The following TRIP4 variants were observed in gnomAD, a reference collection of about 807,000 sequenced individuals.
TRIP4 encodes thyroid hormone receptor interactor 4, also known as activating signal cointegrator 1.
In TRIP4, 54 loss-of-function variants were observed where a neutral mutation model predicts 81.8. That is an observed-to-expected ratio of 0.66 (90% CI 0.53 to 0.83). The LOEUF is 0.83. TRIP4 is among the 40% of genes least tolerant of loss of function. TRIP4 has a pLI of 0.00. For missense variants in TRIP4, 662 were observed against 683.6 expected (o/e 0.97, Z 0.35); for synonymous variants, 270 against 242.8 (o/e 1.11, Z -1.04).
chr15:64,389,331 T>C (rs1224662120), intron 1 of TRIP4, among the ~76,000 whole-genome samples: 2 of 152,166 alleles, frequency 1.3e-5, no homozygotes, highest in Non-Finnish European at 2.9e-5. Context: ...AAGTAGGTTA[T>C]TTTAATGGAT....
intron 10 of TRIP4, among the ~76,000 whole-genome samples, chr15:64,424,773 CTT>C (rs1382973433): frequency 6.6e-6 from 1 of 151,964 alleles, no homozygotes; most frequent in Non-Finnish European, 1.5e-5. Flanking sequence ...CTTAAAAGCA[CTT>C]TTCTTTTTTA....
chr15:64,408,249 ATTTTTTTTT>A (rs796182931), intron 6 of TRIP4, among the ~76,000 whole-genome samples: 1 of 42,476 alleles, frequency 2.4e-5, no homozygotes, highest in African/African-American at 6.2e-5. Flanking sequence ...AAGAAGACAA[ATTTTTTTTT>A]TTTTTTTTTT....
Position 64,406,356 on chromosome 15 carries a change from A to G in TRIP4, c.724A>G (p.Ile242Val), listed in dbSNP as rs1252567106. Residue 242 changes from isoleucine (I) to valine (V), a missense_variant, in exon 6 of 13, where the codon ATC becomes GTC. Ile to Val is a conservative substitution (Grantham distance 29, BLOSUM62 3). Transcript: ENST00000261884. ...AGTGGAGAATTCTGGAAAGGTGGAC[A>G]TCTCTACCAAGGACCTTCTTCCTCA... ...SGVENSGKVD[I>V]STKDLLPHQE... The G allele has an allele frequency of 1.9e-6, 3 of 1,614,138 alleles. No individual in the cohort carries two copies. The highest frequency in any genetic ancestry group is 1.3e-5 in the African/African-American group (1 of 75,068).
In TRIP4 at chr15:64,424,965, C is replaced by G. The variant is rs533577656; in HGVS notation, c.1484-575C>G. On this transcript the variant is annotated intron_variant, in intron 10 of 12. Coordinates refer to ENST00000261884, the MANE Select transcript of TRIP4 (RefSeq NM_016213.5). ...TAATTTTTTGTATTTTTAGTAGAGACAGGGTTTCACCATGTTGGCCAGGCT... is the reference window on the plus strand; with the variant it reads ...TAATTTTTTGTATTTTTAGTAGAGAGAGGGTTTCACCATGTTGGCCAGGCT... 1.6e-4 allele frequency among the ~76,000 whole-genome samples: 24 copies of G among 152,126 alleles called. No homozygotes were observed. The East Asian group carries it at 3.7e-3, about 23-fold the overall frequency.
At chr15:64,443,109 T>C (rs544095243) in intron 11 of TRIP4, among the ~76,000 whole-genome samples, 2 of 152,204 alleles carry the variant, frequency 1.3e-5, no homozygotes, top group Admixed American at 6.5e-5. Flanking sequence ...AGCCTACTTA[T>C]AGTGAATTCA....
Position 64,445,103 on chromosome 15 carries a change from A to G in TRIP4, c.1673A>G (p.Lys558Arg). The G allele has an allele frequency of 6.3e-7, 1 of 1,582,006 alleles. No homozygotes were observed. The highest frequency in any genetic ancestry group is 8.6e-7 in the Non-Finnish European group (1 of 1,157,962). Reference sequence around the variant, plus strand: ...AAGTTTCCTATTAAAGGAAATCCAAAAATCTGTAAGTCATGATTTTTTTTC... The same window carrying G: ...AAGTTTCCTATTAAAGGAAATCCAAGAATCTGTAAGTCATGATTTTTTTTC... ...VVKFPIKGNP[K>R]IWKLDSKIHQ... Residue 558 changes from lysine (K) to arginine (R), a missense_variant, in exon 12 of 13, where the codon AAA becomes AGA. Coordinates refer to ENST00000261884, the MANE Select transcript of TRIP4 (RefSeq NM_016213.5).
Position 64,395,469 on chromosome 15 carries a change from GT to G in TRIP4, c.345del (p.Pro116LeufsTer28). 2 of 1,613,872 alleles carry G rather than the reference GT, an allele frequency of 1.2e-6. No individual in the cohort carries two copies. The highest frequency in any genetic ancestry group is 1.7e-6 in the Non-Finnish European group (2 of 1,179,934). On this transcript the variant is annotated frameshift_variant, in exon 3 of 13. Transcript: ENST00000261884. LOFTEE classifies it high-confidence loss of function. ...GAAGAAAGGGAGAAACAGACAGGAAGTTCCTGCATTTACTGAACCTGACACG... is the reference window on the plus strand; with the variant it reads ...GAAGAAAGGGAGAAACAGACAGGAAGTCCTGCATTTACTGAACCTGACACG... ...GRKKGRNRQE[V>X]PAFTEPDTTA...
intron 12 of TRIP4, among the ~76,000 whole-genome samples, chr15:64,453,985 CTGAT>C (rs1892827741): frequency 6.6e-6 from 1 of 152,138 alleles, no homozygotes; most frequent in African/African-American, 2.4e-5. Context: ...CCTGGGTCTT[CTGAT>C]TTTTAGTCCA....
intron 9 of TRIP4, among the ~76,000 whole-genome samples, chr15:64,420,431 T>C (rs1442484463): frequency 6.6e-6 from 1 of 152,120 alleles, no homozygotes; most frequent in Non-Finnish European, 1.5e-5. Flanking sequence ...GTTTCTATTT[T>C]TCTTGTGTAA....
intron 5 of TRIP4, among the ~76,000 whole-genome samples, chr15:64,403,009 G>A (rs1004687733): frequency 7.9e-5 from 12 of 151,376 alleles, no homozygotes; most frequent in African/African-American, 2.2e-4. Context: ...GGCGACGCCC[G>A]CCACCATGCC....
chr15:64,408,660 TA>T (rs1441698783), intron 6 of TRIP4, among the ~76,000 whole-genome samples: 1 of 152,172 alleles, frequency 6.6e-6, no homozygotes, highest in Non-Finnish European at 1.5e-5. Flanking sequence ...TCACTATTTG[TA>T]ATTATGGGGA....
intron 4 of TRIP4, among the ~76,000 whole-genome samples, chr15:64,398,781 G>C (rs1276515074): frequency 6.6e-6 from 1 of 152,098 alleles, no homozygotes; most frequent in African/African-American, 2.4e-5. Flanking sequence ...CAGTGATAAT[G>C]ACTCACAGAA....
At chr15:64,418,872 AT>A in intron 9 of TRIP4, 144 bp downstream of exon 9, 1 of 733,140 alleles carries the variant, frequency 1.4e-6, no homozygotes, top group Non-Finnish European at 2.0e-6. Context: ...CAACATATTC[AT>A]GTTACTGACT....
chr15:64,437,119 G>A (rs527908708), intron 11 of TRIP4, among the ~76,000 whole-genome samples: 34 of 151,820 alleles, frequency 2.2e-4, no homozygotes, highest in South Asian at 1.9e-3. Flanking sequence ...GGAGACAATG[G>A]TAGATATATG....
At chr15:64,391,377 G>C (rs996425908) in intron 1 of TRIP4, among the ~76,000 whole-genome samples, 1 of 151,586 alleles carries the variant, frequency 6.6e-6, no homozygotes, top group Non-Finnish European at 1.5e-5. Context: ...GGATGGTCTC[G>C]GTCTCCTGAC....
Position 64,414,066 on chromosome 15 carries a change from T to G in TRIP4, c.1044-19T>G. The G allele has an allele frequency of 6.2e-7, 1 of 1,612,544 alleles. No homozygotes were observed. The highest frequency in any genetic ancestry group is 1.1e-5 in the South Asian group (1 of 90,910). On this transcript the variant is annotated intron_variant, in intron 7 of 12. Transcript: ENST00000261884. ...TAGAACATTACCAATTGTTGCATCC[T>G]TTTGGTTTATTATCACAGACTAGAT...
chr15:64,395,999 C>T (rs1470010687), intron 3 of TRIP4, among the ~76,000 whole-genome samples: 1 of 151,862 alleles, frequency 6.6e-6, no homozygotes, highest in Admixed American at 6.6e-5. Context: ...ACCTCTGCCT[C>T]CTGGGTTCAA....
rs1891941300 is a variant in TRIP4, at chr15:64,418,641, A to G, written c.1271A>G (p.Asp424Gly). ...NSFQHQLRIQ[D>G]QEFQEGFDGG... ...TTTCAGCACCAGTTGCGAATCCAGGATCAAGAATTTCAGGAAGGCTTTGAT... is the reference window on the plus strand; with the variant it reads ...TTTCAGCACCAGTTGCGAATCCAGGGTCAAGAATTTCAGGAAGGCTTTGAT... Residue 424 changes from aspartate to glycine, a missense_variant, in exon 9 of 13, where the codon GAT (aspartate) becomes GGT (glycine). Physicochemically the swap from Asp to Gly is moderately conservative, Grantham distance 94 (BLOSUM62 -1). Coordinates refer to ENST00000261884, the MANE Select transcript of TRIP4 (RefSeq NM_016213.5). 1 of 1,613,922 alleles carries G rather than the reference A, an allele frequency of 6.2e-7. No individual in the cohort carries two copies. The highest frequency in any genetic ancestry group is 8.5e-7 in the Non-Finnish European group (1 of 1,180,030).
intron 5 of TRIP4, among the ~76,000 whole-genome samples, chr15:64,405,785 A>G (rs1433498297): frequency 2.6e-5 from 4 of 152,150 alleles, no homozygotes; most frequent in Non-Finnish European, 5.9e-5. Flanking sequence ...GCTTGAAGCC[A>G]GGACTTTGAA....
Sources: allele counts gnomAD v4.1 joint callset (sites outside exome capture counted in the v4.1 genomes callset), GRCh38; gene constraint gnomAD v4.1.1; transcripts MANE v1.5; gene names NCBI Gene and HGNC (gene_info 2026-07-23, HGNC 2026-07-21).